Variants in ARHGEF18 observed in about 807,000 individuals in gnomAD.
ARHGEF18 encodes rho guanine nucleotide exchange factor 18.
In ARHGEF18, 93 loss-of-function variants were observed where a neutral mutation model predicts 155.7. The observed-to-expected ratio is 0.60, with a 90% CI of 0.50 to 0.71. The LOEUF is 0.71. ARHGEF18 is among the 30% of genes least tolerant of loss of function. ARHGEF18 has a pLI of 0.00. For synonymous variants in ARHGEF18, 742 were observed against 753.1 expected (o/e 0.99, Z 0.24); for missense variants, 1,593 against 1,816.1 (o/e 0.88, Z 2.23).
At chr19:7,384,825 G>A (rs765088636) in intron 10 of ARHGEF18, among the ~76,000 whole-genome samples, 5 of 151,866 alleles carry the variant, frequency 3.3e-5, no homozygotes, top group Non-Finnish European at 7.4e-5. Context: ...CCGAGTAGCT[G>A]GGTCTACAGG....
In ARHGEF18 at chr19:7,367,361, T is replaced by C. The variant is rs148581695; in HGVS notation, c.15+4456T>C. Among the ~76,000 whole-genome samples the C allele has an allele frequency of 1.9e-3, 287 of 152,226 alleles. 3 individuals carry two copies. In the East Asian group the frequency reaches 0.044, roughly 23 times the overall value. On this transcript the variant is annotated intron_variant, in intron 2 of 28. Coordinates refer to ENST00000668164, the MANE Select transcript of ARHGEF18 (RefSeq NM_001367823.1). ...GCTCATGTCTGTAATTCCAGCACTT[T>C]GGGAGGCCGAGGTGGGATGGTCACT...
chr19:7,404,770 C>CGCCTGATGGTTGG (rs1972212648), intron 10 of ARHGEF18, among the ~76,000 whole-genome samples: 1 of 152,046 alleles, frequency 6.6e-6, no homozygotes, highest in African/African-American at 2.4e-5. Flanking sequence ...CTGGAAGGTT[C>CGCCTGATGGTTGG]GCCTGATGGT....
chr19:7,433,514 A>G (rs1266807650), intron 10 of ARHGEF18, among the ~76,000 whole-genome samples: 2 of 147,642 alleles, frequency 1.4e-5, no homozygotes, highest in East Asian at 3.9e-4. Context: ...CTCCAAAAAA[A>G]AAAAAAAAAA....
At chr19:7,363,302 G>A (rs759101032) in intron 2 of ARHGEF18, among the ~76,000 whole-genome samples, 4 of 151,998 alleles carry the variant, frequency 2.6e-5, no homozygotes, top group Non-Finnish European at 4.4e-5. Flanking sequence ...AGGAAGGGAG[G>A]AAAGATGGGT....
At chr19:7,477,879 A>C in the ARHGEF18 span, among the ~76,000 whole-genome samples, 1 of 152,194 alleles carries the variant, frequency 6.6e-6, no homozygotes, top group Non-Finnish European at 1.5e-5. Flanking sequence ...AAAATTAGCC[A>C]GGCGTGCTGG....
At chr19:7,415,455 C>T (rs539886039) in intron 10 of ARHGEF18, among the ~76,000 whole-genome samples, 8 of 152,226 alleles carry the variant, frequency 5.3e-5, no homozygotes, top group African/African-American at 1.9e-4. Context: ...GTGCCCTGCT[C>T]CCCACGCTGC....
downstream of ARHGEF18, chr19:7,473,257 G>A (rs768823343): frequency 1.4e-4 from 64 of 456,032 alleles, 3 homozygotes; most frequent in South Asian, 9.0e-4. Context: ...GTGTAAAGTC[G>A]ATCACTAGCT....
chr19:7,358,527 C>T (rs1410074100), intron 1 of ARHGEF18, among the ~76,000 whole-genome samples: 1 of 150,932 alleles, frequency 6.6e-6, no homozygotes, highest in Non-Finnish European at 1.5e-5. Context: ...TACACATCCA[C>T]CCATCCATTC....
At chr19:7,451,374 A>C in intron 16 of ARHGEF18, 108 bp downstream of exon 16, 2 of 916,746 alleles carry the variant, frequency 2.2e-6, no homozygotes, top group South Asian at 1.7e-5. Context: ...TCCCTTTGAA[A>C]TCCAGTTTGC....
At chr19:7,459,412 G>T (rs1405876574) in intron 19 of ARHGEF18, among the ~76,000 whole-genome samples, 1 of 152,006 alleles carries the variant, frequency 6.6e-6, no homozygotes, top group Non-Finnish European at 1.5e-5. Flanking sequence ...TAGAGATGGG[G>T]CCTCACTGTG....
Position 7,463,930 on chromosome 19 carries a change from C to A in ARHGEF18, c.2748C>A (p.Tyr916Ter). ...GGAGGGCTGAGACCTTCGCGGGCTA[C>A]GACTGCACAAACAGCCCCACCAAGA... is the stretch of plus-strand genomic sequence containing the variant. ...PPRRAETFAGYDCTNSPTKNG... is the reference protein window; with the variant it reads ...PPRRAETFAG Residue 916 changes from tyrosine (Y) to a stop codon, truncating the protein, a stop_gained, in exon 22 of 29, where the codon TAC (tyrosine) becomes TAA (stop). Transcript: ENST00000668164. LOFTEE classifies it high-confidence loss of function. This position sits in a 1 kb window ranked among gnomAD's most constrained non-coding sequence, Gnocchi z 5.2. The A allele has an allele frequency of 1.9e-6, 3 of 1,593,638 alleles. No individual in the cohort carries two copies. The highest frequency in any genetic ancestry group is 2.6e-6 in the Non-Finnish European group (3 of 1,170,596).
At chr19:7,386,006 TTCTC>T (rs1442392637) in intron 10 of ARHGEF18, among the ~76,000 whole-genome samples, 4 of 45,756 alleles carry the variant, frequency 8.7e-5, no homozygotes, top group Non-Finnish European at 1.3e-4. Context: ...CCCTCTCTCT[TTCTC>T]TCTCTCTCCC....
chr19:7,393,905 GT>G (rs1568293578), intron 10 of ARHGEF18, among the ~76,000 whole-genome samples: 1 of 150,716 alleles, frequency 6.6e-6, no homozygotes, highest in Non-Finnish European at 1.5e-5. Flanking sequence ...ACCTGCCTGG[GT>G]GCCTGTGTTT....
chr19:7,389,954 C>T (rs539720773), intron 10 of ARHGEF18, among the ~76,000 whole-genome samples: 27 of 152,238 alleles, frequency 1.8e-4, no homozygotes, highest in Non-Finnish European at 2.8e-4. Context: ...GTAATCTCAG[C>T]GCTTTGGGAG....
the ARHGEF18 span, chr19:7,478,384 A>G: frequency 6.2e-7 from 1 of 1,606,926 alleles, no homozygotes; most frequent in Non-Finnish European, 8.5e-7. Flanking sequence ...GACCTGCAGC[A>G]CCAGAGCCCG....
At chr19:7,396,493 G>A (rs9917006) in intron 10 of ARHGEF18, among the ~76,000 whole-genome samples, 4,238 of 152,166 alleles carry the variant, frequency 0.028, 199 homozygotes, top group African/African-American at 0.096. Context: ...CAAGGTGGGT[G>A]GATCACGAGG....
Position 7,395,884 on chromosome 19 carries a change from C to G in ARHGEF18, c.967+12681C>G, listed in dbSNP as rs1248692835. Among the ~76,000 whole-genome samples, 3 of 152,154 alleles carry G rather than the reference C, an allele frequency of 2.0e-5. No homozygotes were observed. The highest frequency in any genetic ancestry group is 7.2e-5 in the African/African-American group (3 of 41,426). On this transcript the variant is annotated intron_variant, in intron 10 of 28. Coordinates refer to ENST00000668164, the MANE Select transcript of ARHGEF18 (RefSeq NM_001367823.1). The surrounding 1 kb of genome is among the most constrained non-coding windows in gnomAD (Gnocchi z 5.0). ...ATTTGAGATTGAGGGGGTACATGTA[C>G]AGGTTTGTTACCTGGATATATTGCG...
intron 20 of ARHGEF18, 97 bp downstream of exon 20, chr19:7,460,091 C>G: frequency 8.1e-7 from 1 of 1,228,752 alleles, no homozygotes; most frequent in South Asian, 1.3e-5. Flanking sequence ...CCCCAGGTGA[C>G]CCGGTGTTTT....
rs545322658 is a variant in ARHGEF18, at chr19:7,465,320, G to A, written c.2904+630G>A. ...GGTCCTTCCTGTTATCCACACTAAGGGATGTATTTTCAATAATAAGCAGGG... is the reference window on the plus strand; with the variant it reads ...GGTCCTTCCTGTTATCCACACTAAGAGATGTATTTTCAATAATAAGCAGGG... On this transcript the variant is annotated intron_variant, in intron 23 of 28. Coordinates refer to ENST00000668164, the MANE Select transcript of ARHGEF18 (RefSeq NM_001367823.1). 7.9e-5 allele frequency among the ~76,000 whole-genome samples: 12 copies of A among 152,240 alleles called. No homozygotes were observed. In the South Asian group the frequency reaches 2.3e-3, roughly 29 times the overall value.
Sources: allele counts gnomAD v4.1 joint callset (sites outside exome capture counted in the v4.1 genomes callset), GRCh38; gene constraint gnomAD v4.1.1; non-coding constraint Gnocchi (gnomAD v3.1); transcripts MANE v1.5; gene names NCBI Gene and HGNC (gene_info 2026-07-23, HGNC 2026-07-21).